The following C4orf50 variants were observed in gnomAD, a reference collection of about 807,000 sequenced individuals.
C4orf50 encodes uncharacterized protein C4orf50.
A neutral mutation model predicts 77.2 loss-of-function variants in C4orf50; 80 were observed. The ratio of observed to expected loss-of-function variants is 1.04; its 90% CI spans 0.87 to 1.25. The LOEUF (loss-of-function observed/expected upper bound fraction) is 1.25, where lower values mean the gene tolerates loss of function less well. Among genes scored for constraint, C4orf50 ranks in the 50% most tolerant of loss-of-function variants. The probability of loss-of-function intolerance (pLI) is 0.00; values close to 1 mark genes in which losing one functional copy is unlikely to be tolerated. For synonymous variants in C4orf50, 532 were observed against 465.3 expected, an observed-to-expected ratio of 1.14 and a Z score of -1.84; for missense variants, 1,257 against 1,152.9, an observed-to-expected ratio of 1.09 and a Z score of -1.31.
At chr4:5,987,509 CAG>C (rs1307122434) in intron 28 of C4orf50, among the ~76,000 whole-genome samples, 1 of 135,866 alleles carries the variant, frequency 7.4e-6, no homozygotes, top group African/African-American at 2.8e-5. Context: ...AAAGTAAAAA[CAG>C]ATTCTTTGAA....
chr4:5,933,447 T>TC (rs1428112586), intron 7 of C4orf50, among the ~76,000 whole-genome samples: 2 of 152,050 alleles, frequency 1.3e-5, no homozygotes, highest in Admixed American at 1.3e-4. Flanking sequence ...ACTCCCATAT[T>TC]CCCCATCTGC....
At chr4:5,933,003 G>A (rs1647811352) in intron 7 of C4orf50, among the ~76,000 whole-genome samples, 1 of 152,106 alleles carries the variant, frequency 6.6e-6, no homozygotes, top group Non-Finnish European at 1.5e-5. Flanking sequence ...TATAATTTTT[G>A]TAAACAAATT....
chr4:5,987,304 G>A (rs1720919370), intron 28 of C4orf50, among the ~76,000 whole-genome samples: 1 of 150,016 alleles, frequency 6.7e-6, no homozygotes, highest in Non-Finnish European at 1.5e-5. Flanking sequence ...CCAGCTACTT[G>A]GGAGGCTGAG....
intron 26 of C4orf50, among the ~76,000 whole-genome samples, chr4:5,994,065 C>T (rs943648862): frequency 6.6e-5 from 10 of 152,144 alleles, no homozygotes; most frequent in South Asian, 4.1e-4. Flanking sequence ...GCCTATGAGG[C>T]CCCCTGGCTG....
chr4:6,014,005 G>GT (rs35565123), intron 23 of C4orf50, among the ~76,000 whole-genome samples: 5,043 of 97,344 alleles, frequency 0.052, 227 homozygotes, highest in Admixed American at 0.14. Flanking sequence ...TAAGTTGTGT[G>GT]TTTTTTTTTT....
intron 27 of C4orf50, 80 bp from the exon 6 acceptor site, chr4:5,990,904 G>C: frequency 2.5e-6 from 1 of 398,358 alleles, no homozygotes. Context: ...ACCTCCTGGG[G>C]TTCTCCGTGT....
chr4:5,991,132 CT>C (rs1721261732), intron 27 of C4orf50, among the ~76,000 whole-genome samples: 6 of 152,322 alleles, frequency 3.9e-5, no homozygotes, highest in Admixed American at 3.3e-4. Context: ...GCCATCCACC[CT>C]ATGTCATCTT....
intron 33 of C4orf50, among the ~76,000 whole-genome samples, chr4:5,961,480 A>T (rs1256229454): frequency 2.0e-5 from 3 of 152,248 alleles, no homozygotes; most frequent in Non-Finnish European, 2.9e-5. Context: ...CTTTCCACAT[A>T]TTGATTCATT....
intron 26 of C4orf50, among the ~76,000 whole-genome samples, chr4:5,993,488 A>G (rs1262137903): frequency 2.0e-5 from 3 of 152,232 alleles, no homozygotes; most frequent in Admixed American, 6.5e-5. Context: ...CCCTGAGTGC[A>G]GGGGCTCTGG....
At position 5,967,572 on chromosome 4, in the gene C4orf50, C is replaced by G. The variant is rs566675193; in HGVS notation, c.4105-110G>C. ...GGCCATCACCCCTCCCCGCAAAAAA[C>G]CGCTTTCTGTGTAGGACCAACCCTG... On this transcript the variant is annotated intron_variant, in intron 31 of 33. Coordinates refer to ENST00000531445, the Ensembl canonical transcript of C4orf50. The G allele has an allele frequency of 9.3e-6, 9 of 965,134 alleles. No homozygotes were observed. The Middle Eastern group carries it at 8.7e-4, about 94-fold the overall frequency. 59.8% of individuals were successfully genotyped at this position (965,134 alleles called of 1,614,324 possible). A position where few individuals can be genotyped will look rare whatever the true frequency, so the allele number is the denominator to read the frequency against.
intron 7 of C4orf50, among the ~76,000 whole-genome samples, chr4:5,930,832 A>G (rs748759101): frequency 3.0e-4 from 46 of 152,378 alleles, no homozygotes; most frequent in Non-Finnish European, 5.9e-4. Context: ...TCTGCTGTCC[A>G]TGATGCCCAG....
At chr4:6,002,025 G>A (rs1175530499) in intron 25 of C4orf50, among the ~76,000 whole-genome samples, 1 of 152,234 alleles carries the variant, frequency 6.6e-6, no homozygotes, top group Non-Finnish European at 1.5e-5. Flanking sequence ...TTTGTGGAGT[G>A]GGTTGAATTG....
In C4orf50 at chr4:6,009,385, G is replaced by A. The variant is rs1722391320; in HGVS notation, c.427-853C>T. ...CTGCTCTTCTGCCGGGGAGCTTCCG[G>A]AAAACAAAAACAAACAAACTAAGAG... On this transcript the variant is annotated intron_variant, in intron 24 of 33. Transcript: ENST00000531445. The surrounding 1 kb of genome is among the most constrained non-coding windows in gnomAD (Gnocchi z 5.6). Among the ~76,000 whole-genome samples, 1 of 152,200 alleles carries A rather than the reference G, an allele frequency of 6.6e-6. No individual in the cohort carries two copies. The highest frequency in any genetic ancestry group is 6.5e-5 in the Admixed American group (1 of 15,270).
intron 29 of C4orf50, among the ~76,000 whole-genome samples, chr4:5,977,133 G>C (rs1297405894): frequency 1.3e-5 from 2 of 152,194 alleles, no homozygotes; most frequent in African/African-American, 4.8e-5. Context: ...GAGGCCGCCG[G>C]GGACCCCCCA....
intron 25 of C4orf50, among the ~76,000 whole-genome samples, chr4:5,996,168 C>G (rs574346429): frequency 5.9e-5 from 9 of 152,308 alleles, no homozygotes; most frequent in Admixed American, 3.9e-4. Flanking sequence ...CTTGCCTGTC[C>G]CAGCGCGTCC....
intron 31 of C4orf50, among the ~76,000 whole-genome samples, 167 bp downstream of exon 9, chr4:5,973,492 G>C (rs932344583): frequency 7.2e-5 from 11 of 152,158 alleles, no homozygotes; most frequent in Non-Finnish European, 1.2e-4. Flanking sequence ...GCCCACCCAG[G>C]GCATGGGCAT....
chr4:5,978,021 A>C (rs747405043), intron 29 of C4orf50, among the ~76,000 whole-genome samples: 3 of 152,142 alleles, frequency 2.0e-5, no homozygotes, highest in Non-Finnish European at 4.4e-5. Flanking sequence ...ATCTGAATAA[A>C]CTCTTCTTCA....
intron 28 of C4orf50, among the ~76,000 whole-genome samples, chr4:5,985,711 T>C (rs1457362102): frequency 6.6e-6 from 1 of 152,196 alleles, no homozygotes; most frequent in Non-Finnish European, 1.5e-5. Context: ...CTCACACCTA[T>C]AATCCCAGCA....
At chr4:5,955,080 G>A (rs182431234), downstream of C4orf50, among the ~76,000 whole-genome samples, 121 of 152,156 alleles carry the variant, frequency 8.0e-4, 1 homozygote, top group Non-Finnish European at 1.4e-3. This position sits in a 1 kb window ranked among gnomAD's most constrained non-coding sequence, Gnocchi z 5.1. Flanking sequence ...CTCCCTCTGA[G>A]CGCCCGCCCC....
Sources: gnomAD v4.1 joint callset for allele counts (sites outside exome capture counted in the v4.1 genomes callset) on GRCh38, gnomAD v4.1.1 for gene constraint, Gnocchi (gnomAD v3.1) non-coding constraint, MANE v1.5 for transcripts, NCBI Gene and HGNC (gene_info 2026-07-23, HGNC 2026-07-21) for gene names.